ADGRV1: variants seen among roughly 807,000 people sequenced by gnomAD.
The protein encoded by ADGRV1 is adhesion G protein-coupled receptor V1, also known as G-protein coupled receptor 98.
Under a neutral mutation model 596.2 loss-of-function variants are expected in ADGRV1, and 359 were observed. That is an observed-to-expected ratio of 0.60 (90% CI 0.55 to 0.66). ADGRV1 has a LOEUF of 0.66. ADGRV1 is among the 30% of genes least tolerant of loss of function. ADGRV1 has a pLI of 0.00. For synonymous variants in ADGRV1, 2,681 were observed against 2,679.2 expected, an observed-to-expected ratio of 1.00 and a Z score of -0.02; for missense variants, 7,274 against 7,575.6, an observed-to-expected ratio of 0.96 and a Z score of 1.48.
intron 83 of ADGRV1, among the ~76,000 whole-genome samples, chr5:90,866,277 G>T (rs1768083094): frequency 6.7e-6 from 1 of 149,922 alleles, no homozygotes; most frequent in Non-Finnish European, 1.5e-5. Flanking sequence ...CTAGAAATAT[G>T]TAGACTATTA....
intron 75 of ADGRV1, among the ~76,000 whole-genome samples, chr5:90,816,782 G>A (rs1162983621): frequency 6.6e-6 from 1 of 151,686 alleles, no homozygotes; most frequent in East Asian, 1.9e-4. Flanking sequence ...TGGTGTATAT[G>A]TGCCACATTT....
At chr5:90,993,298 A>G (rs1253176706) in intron 85 of ADGRV1, among the ~76,000 whole-genome samples, 2 of 151,312 alleles carry the variant, frequency 1.3e-5, no homozygotes, top group Non-Finnish European at 1.5e-5. Context: ...AGCTTGGACT[A>G]TAGGTACGCA....
At chr5:91,051,214 T>C (rs1329274442) in intron 85 of ADGRV1, among the ~76,000 whole-genome samples, 1 of 152,222 alleles carries the variant, frequency 6.6e-6, no homozygotes, top group East Asian at 1.9e-4. Context: ...ATGTTTTAAA[T>C]ATATTCAACT....
At chr5:90,670,952 G>A (rs957365177) in intron 21 of ADGRV1, among the ~76,000 whole-genome samples, 4 of 152,116 alleles carry the variant, frequency 2.6e-5, no homozygotes, top group African/African-American at 9.7e-5. Context: ...CGCATCACAC[G>A]GCCTCAAAGG....
At chr5:91,163,088 G>C (rs533395999) in intron 89 of ADGRV1, among the ~76,000 whole-genome samples, 1 of 152,238 alleles carries the variant, frequency 6.6e-6, no homozygotes, top group South Asian at 2.1e-4. Context: ...TGTTACTCTA[G>C]CATAGTTTTT....
chr5:90,862,351 A>G (rs1248820699), intron 82 of ADGRV1, among the ~76,000 whole-genome samples: 1 of 64,162 alleles, frequency 1.6e-5, no homozygotes, highest in Non-Finnish European at 3.7e-5. Flanking sequence ...AAGTCAGTAT[A>G]TTACTCACAC....
At chr5:90,841,858 C>A (rs550628198) in intron 78 of ADGRV1, among the ~76,000 whole-genome samples, 1 of 152,170 alleles carries the variant, frequency 6.6e-6, no homozygotes, top group South Asian at 2.1e-4. Context: ...AAATACAATG[C>A]TTGAAAGATA....
Position 90,855,874 on chromosome 5 carries a change from T to C in ADGRV1, c.17728T>C (p.Phe5910Leu). Residue 5910 changes from phenylalanine (F) to leucine (L), a missense_variant, in exon 82 of 90, where the codon TTC (phenylalanine) becomes CTC (leucine). Phe to Leu is a conservative substitution (Grantham distance 22, BLOSUM62 0). Around this residue, in one of 5 missense-constraint regions of ADGRV1, gnomAD observed 1,874 missense variants for 1,970.2 expected, o/e 0.95. Coordinates refer to ENST00000405460, the MANE Select transcript of ADGRV1 (RefSeq NM_032119.4). ...CTTGTCTTCATACAATGAAGCCTTC[T>C]TCACTTCTGGATTTATATGTATCTC... ...DNLSSYNEAF[F>L]TSGFICISGL... is the part of the protein sequence containing the mutation. The C allele has an allele frequency of 6.2e-7, 1 of 1,613,164 alleles. No individual in the cohort carries two copies. Among genetic ancestry groups the C allele is most frequent in the Non-Finnish European group, 8.5e-7 (1 of 1,179,228 alleles).
At chr5:90,821,791 G>A (rs1177885594) in intron 75 of ADGRV1, among the ~76,000 whole-genome samples, 8 of 151,966 alleles carry the variant, frequency 5.3e-5, no homozygotes, top group Non-Finnish European at 1.0e-4. Flanking sequence ...CTCCAGCTGC[G>A]TGCTGGGAGA....
intron 21 of ADGRV1, among the ~76,000 whole-genome samples, chr5:90,667,683 C>T (rs1217177270): frequency 1.2e-4 from 18 of 151,726 alleles, no homozygotes; most frequent in South Asian, 4.2e-4. Context: ...GGAGGAGAGG[C>T]GCTCTGCTTT....
chr5:91,067,637 T>C (rs1490042796), intron 85 of ADGRV1, among the ~76,000 whole-genome samples: 1 of 152,208 alleles, frequency 6.6e-6, no homozygotes, highest in Non-Finnish European at 1.5e-5. Flanking sequence ...ACAAAATCTT[T>C]ATATTCCTAG....
At chr5:90,693,478 T>C (rs1161244439) in intron 32 of ADGRV1, among the ~76,000 whole-genome samples, 2 of 152,192 alleles carry the variant, frequency 1.3e-5, no homozygotes, top group Non-Finnish European at 1.5e-5. Flanking sequence ...ATATTTTTGA[T>C]CTGCGGTCTT....
At chr5:90,734,852 C>T (rs1753014039) in intron 50 of ADGRV1, among the ~76,000 whole-genome samples, 3 of 152,164 alleles carry the variant, frequency 2.0e-5, no homozygotes, top group Admixed American at 2.0e-4. Context: ...GCCCCTGGGC[C>T]CGGCCTAGCC....
At chr5:91,038,436 A>G (rs1785080255) in intron 85 of ADGRV1, among the ~76,000 whole-genome samples, 1 of 152,242 alleles carries the variant, frequency 6.6e-6, no homozygotes, top group Non-Finnish European at 1.5e-5. Flanking sequence ...GCTTGTTGCT[A>G]CAAGCCCAGC....
chr5:91,151,125 G>C (rs929136895), intron 88 of ADGRV1, among the ~76,000 whole-genome samples: 88 of 152,248 alleles, frequency 5.8e-4, no homozygotes, highest in African/African-American at 1.9e-3. Flanking sequence ...AAAGGAAACA[G>C]TTTATATTAA....
chr5:90,996,289 C>T (rs986501333), intron 85 of ADGRV1, among the ~76,000 whole-genome samples: 1 of 152,120 alleles, frequency 6.6e-6, no homozygotes, highest in African/African-American at 2.4e-5. Flanking sequence ...TCTGTGCAAC[C>T]TCAGGACATG....
chr5:90,668,017 G>T (rs1321849120), intron 21 of ADGRV1, among the ~76,000 whole-genome samples: 2 of 151,888 alleles, frequency 1.3e-5, no homozygotes, highest in South Asian at 4.2e-4. Flanking sequence ...CTTCAAAGCT[G>T]TCAGACAGGG....
intron 66 of ADGRV1, among the ~76,000 whole-genome samples, chr5:90,783,602 T>C (rs1759098497): frequency 6.6e-6 from 1 of 152,206 alleles, no homozygotes; most frequent in Non-Finnish European, 1.5e-5. Flanking sequence ...TAATTCACTT[T>C]CTTTATGCAT....
chr5:91,066,474 T>A (rs1787891174), intron 85 of ADGRV1, among the ~76,000 whole-genome samples: 1 of 152,208 alleles, frequency 6.6e-6, no homozygotes, highest in Admixed American at 6.5e-5. Flanking sequence ...TGGGAGAAAT[T>A]TTATTATACA....
Sources: gnomAD v4.1 joint callset for allele counts (sites outside exome capture counted in the v4.1 genomes callset) on GRCh38, gnomAD v4.1.1 for gene constraint, gnomAD v4.1.1 regional missense constraint, MANE v1.5 for transcripts, NCBI Gene and HGNC (gene_info 2026-07-23, HGNC 2026-07-21) for gene names.